Variants in GNB4 observed in about 807,000 individuals in gnomAD.
The protein encoded by GNB4 is guanine nucleotide-binding protein subunit beta-4.
A neutral mutation model predicts 45.2 loss-of-function variants in GNB4; 28 were observed. That is an observed-to-expected ratio of 0.62 (90% CI 0.46 to 0.85). The LOEUF (loss-of-function observed/expected upper bound fraction) is 0.85, where lower values mean the gene tolerates loss of function less well. Among genes scored for constraint, GNB4 ranks in the 40% least tolerant of loss-of-function variants. GNB4 has a pLI of 0.00. For synonymous variants in GNB4, 132 were observed against 143.7 expected (o/e 0.92, Z 0.58); for missense variants, 321 against 425.4 (o/e 0.75, Z 2.16).
At chr3:179,418,594 C>A (rs1339847686) in intron 4 of GNB4, among the ~76,000 whole-genome samples, 8 of 151,778 alleles carry the variant, frequency 5.3e-5, no homozygotes, top group Non-Finnish European at 1.0e-4. Context: ...TTATTGTGGT[C>A]AAGTATCCCA....
chr3:179,523,354 AAG>A, the GNB4 span, among the ~76,000 whole-genome samples: 1 of 151,208 alleles, frequency 6.6e-6, no homozygotes, highest in Non-Finnish European at 1.5e-5. Context: ...AGTGAAAGCG[AAG>A]AGAGGCTGGG....
At chr3:179,401,945 CAAG>C (rs1308514666) in intron 9 of GNB4, among the ~76,000 whole-genome samples, 3 of 152,110 alleles carry the variant, frequency 2.0e-5, no homozygotes, top group South Asian at 4.1e-4. Flanking sequence ...TGGAAGAAAA[CAAG>C]AAATACAGTA....
the GNB4 span, among the ~76,000 whole-genome samples, chr3:179,526,309 A>G: frequency 6.6e-6 from 1 of 152,216 alleles, no homozygotes; most frequent in Admixed American, 6.5e-5. Context: ...TGCAGGTCAC[A>G]GGGGATATGA....
the GNB4 span, among the ~76,000 whole-genome samples, chr3:179,457,972 T>G: frequency 6.6e-6 from 1 of 151,194 alleles, no homozygotes; most frequent in Non-Finnish European, 1.5e-5. Context: ...TGGCGCAATC[T>G]CGGCTCACTG....
intron 8 of GNB4, among the ~76,000 whole-genome samples, chr3:179,413,043 G>C (rs754744858): frequency 2.2e-4 from 34 of 151,850 alleles, no homozygotes; most frequent in Non-Finnish European, 3.5e-4. Flanking sequence ...GCCATGCATG[G>C]TGGTGTGTAC....
chr3:179,519,542 A>G, the GNB4 span, among the ~76,000 whole-genome samples: 1 of 152,108 alleles, frequency 6.6e-6, no homozygotes, highest in Non-Finnish European at 1.5e-5. Flanking sequence ...AAAACTCCCC[A>G]ACTCTGGTGC....
chr3:179,515,993 G>A, the GNB4 span, among the ~76,000 whole-genome samples: 2 of 152,186 alleles, frequency 1.3e-5, no homozygotes, highest in African/African-American at 4.8e-5. Flanking sequence ...CACAGGGTCT[G>A]AATAAGAGAA....
chr3:179,460,226 T>C, the GNB4 span, among the ~76,000 whole-genome samples: 2 of 152,228 alleles, frequency 1.3e-5, no homozygotes, highest in Admixed American at 1.3e-4. Flanking sequence ...CAAATGAGTC[T>C]GTGTTAGGGA....
intron 1 of GNB4, among the ~76,000 whole-genome samples, chr3:179,431,306 C>A (rs1715301397): frequency 6.6e-6 from 1 of 152,104 alleles, no homozygotes; most frequent in East Asian, 1.9e-4. Flanking sequence ...CCTGTAATCC[C>A]AGCTCTTTGA....
chr3:179,506,882 A>C, the GNB4 span, among the ~76,000 whole-genome samples: 6 of 152,200 alleles, frequency 3.9e-5, no homozygotes, highest in Non-Finnish European at 8.8e-5. Context: ...CACTCCCTAA[A>C]GAACATAGCA....
the GNB4 span, among the ~76,000 whole-genome samples, chr3:179,522,126 C>T: frequency 1.3e-5 from 2 of 152,172 alleles, no homozygotes; most frequent in Non-Finnish European, 2.9e-5. Flanking sequence ...CCCCTGTGAC[C>T]TGCATGTACA....
chr3:179,452,931 TAA>T (rs1321846416), upstream of GNB4, among the ~76,000 whole-genome samples: 3 of 152,340 alleles, frequency 2.0e-5, no homozygotes, highest in African/African-American at 4.8e-5. Context: ...GGGAAATTGT[TAA>T]AGAGTGCCTA....
At chr3:179,513,724 T>A in the GNB4 span, among the ~76,000 whole-genome samples, 1 of 152,174 alleles carries the variant, frequency 6.6e-6, no homozygotes, top group East Asian at 1.9e-4. Context: ...CTACCCCTTT[T>A]AAAAATTTTT....
intron 1 of GNB4, among the ~76,000 whole-genome samples, chr3:179,434,662 A>G (rs1008132631): frequency 6.6e-6 from 1 of 151,964 alleles, no homozygotes; most frequent in East Asian, 1.9e-4. Context: ...CAGAGGTTGC[A>G]GTGAGCTGAG....
chr3:179,503,500 G>A, the GNB4 span, among the ~76,000 whole-genome samples: 1 of 152,264 alleles, frequency 6.6e-6, no homozygotes, highest in South Asian at 2.1e-4. Flanking sequence ...AAAGTATGCT[G>A]GTCTTCAATA....
chr3:179,478,824 GT>G, the GNB4 span, among the ~76,000 whole-genome samples: 1 of 152,150 alleles, frequency 6.6e-6, no homozygotes, highest in African/African-American at 2.4e-5. Flanking sequence ...CTCATGAATG[GT>G]TTAGCACCAT....
chr3:179,476,419 T>C, the GNB4 span, among the ~76,000 whole-genome samples: 107,454 of 152,126 alleles, frequency 0.71, 38,179 homozygotes, highest in East Asian at 0.98. Context: ...AGCTCTCTAG[T>C]GTTGGAGTCT....
the GNB4 span, among the ~76,000 whole-genome samples, chr3:179,522,383 A>G: frequency 3.3e-5 from 5 of 152,046 alleles, no homozygotes; most frequent in African/African-American, 1.2e-4. Flanking sequence ...CCCTTCGCTG[A>G]TTCTCTTTTA....
chr3:179,403,852 C>CA (rs934691623), intron 9 of GNB4, among the ~76,000 whole-genome samples: 1 of 150,158 alleles, frequency 6.7e-6, no homozygotes, highest in South Asian at 2.1e-4. Context: ...TCTTAAAAAA[C>CA]AAAAAAAGTC....
Sources: gnomAD v4.1 joint callset for allele counts (sites outside exome capture counted in the v4.1 genomes callset) on GRCh38, gnomAD v4.1.1 for gene constraint, MANE v1.5 for transcripts, NCBI Gene and HGNC (gene_info 2026-07-23, HGNC 2026-07-21) for gene names.